The following SCN11A variants were observed in gnomAD, a reference collection of about 807,000 sequenced individuals.
SCN11A encodes sodium voltage-gated channel alpha subunit 11, also known as sodium channel protein type 11 subunit alpha.
A neutral mutation model predicts 162.2 loss-of-function variants in SCN11A; 122 were observed. That is an observed-to-expected ratio of 0.75 (90% CI 0.65 to 0.87). The LOEUF is 0.87. SCN11A is among the 40% of genes least tolerant of loss of function. The pLI is 0.00. For missense variants in SCN11A, 2,015 were observed against 2,181.6 expected (o/e 0.92, Z 1.52); for synonymous variants, 758 against 751.5 (o/e 1.01, Z -0.14).
chr3:38,874,234 A>G (rs2065173571), intron 23 of SCN11A, among the ~76,000 whole-genome samples: 2 of 152,174 alleles, frequency 1.3e-5, no homozygotes, highest in Admixed American at 6.6e-5. Flanking sequence ...TATCGATGTT[A>G]TCCAACTTTA....
intron 2 of SCN11A, among the ~76,000 whole-genome samples, chr3:38,996,478 A>G (rs1218244794): frequency 6.6e-6 from 1 of 152,214 alleles, no homozygotes; most frequent in Admixed American, 6.5e-5. Context: ...GGTGGCTTCC[A>G]GGAAGCATTT....
intron 3 of SCN11A, among the ~76,000 whole-genome samples, chr3:38,955,033 G>A (rs34590625): frequency 2.5e-4 from 38 of 151,360 alleles, no homozygotes; most frequent in Non-Finnish European, 4.3e-4. Context: ...CAGGTGCAGT[G>A]GCTTACACCC....
intron 2 of SCN11A, among the ~76,000 whole-genome samples, chr3:39,011,752 G>A (rs2031143523): frequency 6.6e-6 from 1 of 152,122 alleles, no homozygotes; most frequent in Non-Finnish European, 1.5e-5. Context: ...CAAGGTTGGG[G>A]GCGGCGGGTT....
intron 2 of SCN11A, among the ~76,000 whole-genome samples, chr3:38,969,002 C>A (rs575466834): frequency 6.6e-6 from 1 of 152,218 alleles, no homozygotes; most frequent in Non-Finnish European, 1.5e-5. Flanking sequence ...CACTCCAATT[C>A]TTTATGCCCG....
chr3:39,035,973 G>A (rs2031895285), intron 1 of SCN11A, among the ~76,000 whole-genome samples: 1 of 152,038 alleles, frequency 6.6e-6, no homozygotes, highest in African/African-American at 2.4e-5. Context: ...TTTCTGACTT[G>A]GGCTAGTCCA....
chr3:39,044,573 A>C (rs1461157708), intron 1 of SCN11A, among the ~76,000 whole-genome samples: 2 of 152,176 alleles, frequency 1.3e-5, no homozygotes, highest in Admixed American at 6.5e-5. Context: ...TGAATGATAA[A>C]TATGTCAATG....
At chr3:38,890,451 TC>T (rs1301943111) in intron 19 of SCN11A, among the ~76,000 whole-genome samples, 1 of 152,240 alleles carries the variant, frequency 6.6e-6, no homozygotes, top group Non-Finnish European at 1.5e-5. Context: ...TTGGTAGCTC[TC>T]CTTCATTAAA....
intron 11 of SCN11A, among the ~76,000 whole-genome samples, chr3:38,916,403 A>T (rs527269403): frequency 6.6e-6 from 1 of 152,254 alleles, no homozygotes; most frequent in Non-Finnish European, 1.5e-5. Flanking sequence ...CATCTTCATG[A>T]TCCTTATTCT....
chr3:38,921,099 T>G lies in SCN11A; in HGVS notation c.869A>C (p.Asn290Thr), dbSNP rs1422223456. The G allele has an allele frequency of 6.2e-7, 1 of 1,613,908 alleles. No individual in the cohort carries two copies. The highest frequency in any genetic ancestry group is 1.3e-5 in the African/African-American group (1 of 74,904). ...NLKCISRDCK[N>T]ISNPEAYDHC... ...ACCATAAGCTTCCGGGTTACTGATA[T>G]TTTTACAGTCCCTCGAGATGCATTT... The change falls in exon 10 of 30, where the codon AAT becomes ACT. Residue 290 changes from asparagine to threonine, a missense_variant. Asn to Thr is a moderately conservative substitution (Grantham distance 65, BLOSUM62 0). Transcript: ENST00000302328.
At chr3:38,922,106 T>C (rs908548652) in intron 9 of SCN11A, among the ~76,000 whole-genome samples, 11 of 152,178 alleles carry the variant, frequency 7.2e-5, no homozygotes, top group African/African-American at 2.2e-4. Flanking sequence ...AGTCTCAAGA[T>C]AGCTGGAGAG....
intron 2 of SCN11A, among the ~76,000 whole-genome samples, chr3:39,031,881 C>G: frequency 6.6e-6 from 1 of 152,078 alleles, no homozygotes; most frequent in East Asian, 1.9e-4. Context: ...TTTGCCAAAC[C>G]CTGCTAAGTC....
intron 7 of SCN11A, among the ~76,000 whole-genome samples, chr3:38,941,405 G>A (rs1409121828): frequency 1.3e-5 from 2 of 152,114 alleles, no homozygotes; most frequent in Admixed American, 1.3e-4. Context: ...TATATTAAAG[G>A]AAGTTGTTCA....
intron 11 of SCN11A, among the ~76,000 whole-genome samples, chr3:38,911,935 T>C (rs1377370856): frequency 6.6e-6 from 1 of 152,168 alleles, no homozygotes; most frequent in African/African-American, 2.4e-5. Context: ...CTTGGCCTCC[T>C]TTTTACCAAA....
chr3:38,866,220 T>TC (rs2065038674), intron 27 of SCN11A, among the ~76,000 whole-genome samples: 1 of 149,906 alleles, frequency 6.7e-6, no homozygotes, highest in Non-Finnish European at 1.5e-5. Flanking sequence ...TTTTTTTTTT[T>TC]CTCTTTTTCC....
At chr3:38,961,655 G>A (rs951436080) in intron 2 of SCN11A, among the ~76,000 whole-genome samples, 1 of 152,192 alleles carries the variant, frequency 6.6e-6, no homozygotes, top group Non-Finnish European at 1.5e-5. Context: ...AGAGGACTCC[G>A]AATCCATTAT....
intron 7 of SCN11A, among the ~76,000 whole-genome samples, chr3:38,941,785 A>C (rs2066446034): frequency 7.3e-6 from 1 of 137,552 alleles, no homozygotes; most frequent in Non-Finnish European, 1.5e-5. Context: ...TAGCAAAGGA[A>C]CAACAACAAT....
chr3:38,885,219 A>C, intron 21 of SCN11A, 69 bp downstream of exon 21: 1 of 884,686 alleles, frequency 1.1e-6, no homozygotes, highest in Non-Finnish European at 1.9e-6. Flanking sequence ...AAAACCACAG[A>C]GCTTCAAAGA....
intron 2 of SCN11A, among the ~76,000 whole-genome samples, chr3:38,991,698 C>A (rs1198381927): frequency 2.6e-5 from 4 of 152,164 alleles, no homozygotes; most frequent in Non-Finnish European, 4.4e-5. Flanking sequence ...TTACATGGCA[C>A]CTATGCTGTT....
In SCN11A at chr3:38,874,603, A is replaced by G. The variant is rs1431054204; in HGVS notation, c.3394-2309T>C. ...TCAAAACAATATATTTTGTTTTCCAATCTAATGAGTAAAAAGAGGCCTCTC... is the reference window on the plus strand; with the variant it reads ...TCAAAACAATATATTTTGTTTTCCAGTCTAATGAGTAAAAAGAGGCCTCTC... On this transcript the variant is annotated intron_variant, in intron 23 of 29. Coordinates refer to ENST00000302328, the MANE Select transcript of SCN11A (RefSeq NM_001349253.2). 2.6e-5 allele frequency among the ~76,000 whole-genome samples: 4 copies of G among 152,286 alleles called. No homozygotes were observed. In the East Asian group the frequency reaches 7.7e-4, roughly 29 times the overall value.
Sources: allele counts gnomAD v4.1 joint callset (sites outside exome capture counted in the v4.1 genomes callset), GRCh38; gene constraint gnomAD v4.1.1; transcripts MANE v1.5; gene names NCBI Gene and HGNC (gene_info 2026-07-23, HGNC 2026-07-21).